Variants in FRYL observed in about 807,000 individuals in gnomAD.
FRYL encodes the protein FRY like transcription coactivator.
FRYL carries 150 observed loss-of-function variants against 351.2 expected under a neutral mutation model. The ratio of observed to expected loss-of-function variants is 0.43; its 90% CI spans 0.37 to 0.49. The LOEUF (loss-of-function observed/expected upper bound fraction) is 0.49, where lower values mean the gene tolerates loss of function less well. FRYL is among the 20% of genes least tolerant of loss of function. The pLI is 0.00. For missense variants in FRYL, 3,036 were observed against 3,619.3 expected, an observed-to-expected ratio of 0.84 and a Z score of 4.13; for synonymous variants, 1,153 against 1,257.1, an observed-to-expected ratio of 0.92 and a Z score of 1.75.
Position 48,555,183 on chromosome 4 carries a change from T to C in FRYL, c.4266+1795A>G, listed in dbSNP as rs114552482. On this transcript the variant is annotated intron_variant, in intron 35 of 63. Coordinates refer to ENST00000358350, the MANE Select transcript of FRYL (RefSeq NM_015030.2). ...AAATGGCTATTCCCCAAATTTTCAT[T>C]TGGCCTCTTAAAAGTATAATCCCAT... Among the ~76,000 whole-genome samples the C allele has an allele frequency of 4.4e-3, 665 of 152,334 alleles. 8 individuals carry two copies. Among genetic ancestry groups the C allele is most frequent in the African/African-American group, 0.014 (599 of 41,574 alleles).
At chr4:48,766,892 C>T (rs1775000639) in intron 1 of FRYL, among the ~76,000 whole-genome samples, 2 of 150,806 alleles carry the variant, frequency 1.3e-5, no homozygotes, top group Non-Finnish European at 2.9e-5. Context: ...TGTAGATTCA[C>T]GGATTTCCAT....
At chr4:48,710,994 G>A (rs550603427) in intron 1 of FRYL, among the ~76,000 whole-genome samples, 3 of 152,316 alleles carry the variant, frequency 2.0e-5, no homozygotes, top group African/African-American at 7.2e-5. Context: ...ACCCACAATG[G>A]AATATTACCT....
chr4:48,583,613 A>G (rs1420017709), intron 19 of FRYL, among the ~76,000 whole-genome samples: 1 of 152,128 alleles, frequency 6.6e-6, no homozygotes, highest in African/African-American at 2.4e-5. Context: ...TAGAAAAAAA[A>G]AAAATAAGGC....
chr4:48,502,852 A>G lies in FRYL; in HGVS notation c.8464-7T>C. The G allele has an allele frequency of 6.2e-7, 1 of 1,609,510 alleles. No homozygotes were observed. The highest frequency in any genetic ancestry group is 8.5e-7 in the Non-Finnish European group (1 of 1,176,916). ...CTGCTAGTATTTCCATTTGCTAAGC[A>G]AGAAGGTGATCAGGTCACAAAAAAT... On this transcript the variant is annotated splice_polypyrimidine_tract_variant and splice_region_variant and intron_variant, in intron 60 of 63. Transcript: ENST00000358350.
Position 48,743,258 on chromosome 4 carries a change from T to C in FRYL, c.-383-32560A>G, listed in dbSNP as rs982688030. Among the ~76,000 whole-genome samples, 7 of 152,270 alleles carry C rather than the reference T, an allele frequency of 4.6e-5. 3 individuals carry two copies. Reference sequence around the variant, plus strand: ...CACTAAATTCTTATCTAGGTGTTACTTTTCCTAGAAAACCACGTCACACCT... The same window carrying C: ...CACTAAATTCTTATCTAGGTGTTACCTTTCCTAGAAAACCACGTCACACCT... On this transcript the variant is annotated intron_variant, in intron 1 of 63. Coordinates refer to ENST00000358350, the MANE Select transcript of FRYL (RefSeq NM_015030.2).
At position 48,548,766 on chromosome 4, in the gene FRYL, A is replaced by G; in HGVS notation, c.4812T>C (p.Thr1604=). The change falls in exon 40 of 64, where the codon ACT becomes ACC. Residue 1604 remains threonine, a synonymous_variant. Coordinates refer to ENST00000358350, the MANE Select transcript of FRYL (RefSeq NM_015030.2). The part of the protein sequence containing the change: ...HRCNIAVILL[T]DLIIDHSVKV... ...TCACACTATGATCAATGATGAGATC[A>G]GTCAAAAGGATCACTGCTATGTTAC... The G allele has an allele frequency of 6.2e-7, 1 of 1,610,406 alleles. No individual in the cohort carries two copies. Among genetic ancestry groups the G allele is most frequent in the South Asian group, 1.1e-5 (1 of 90,622 alleles).
chr4:48,527,635 C>T lies in FRYL; in HGVS notation c.7159G>A (p.Glu2387Lys), dbSNP rs1726538684. 1 of 1,602,544 alleles carries T rather than the reference C, an allele frequency of 6.2e-7. No individual in the cohort carries two copies. Residue 2387 changes from glutamate (E) to lysine (K), a missense_variant, in exon 53 of 64, where the codon GAG (glutamate) becomes AAG (lysine). Physicochemically the swap from Glu to Lys is moderately conservative, Grantham distance 56. Around this residue, in one of 7 missense-constraint regions of FRYL, gnomAD observed 1,987 missense variants for 2,311.7 expected, o/e 0.86. Transcript: ENST00000358350. Reference protein sequence around the residue: ...KNPSVVFSSNEDLEVGDQQTS... With the variant: ...KNPSVVFSSNKDLEVGDQQTS... ...TGTTGGTCACCGACTTCCAAATCCT[C>T]ATTAGAAGAAAATACAACCTGATGC...
At chr4:48,746,494 G>A (rs558148272) in intron 1 of FRYL, among the ~76,000 whole-genome samples, 25 of 149,828 alleles carry the variant, frequency 1.7e-4, no homozygotes, top group African/African-American at 4.4e-4. Context: ...GCAGTGAGCC[G>A]AGATCACACC....
intron 37 of FRYL, among the ~76,000 whole-genome samples, 193 bp from the exon 38 acceptor site, chr4:48,550,897 C>A (rs991047838): frequency 2.0e-5 from 3 of 152,092 alleles, no homozygotes; most frequent in Non-Finnish European, 4.4e-5. Flanking sequence ...CATGGTGAAA[C>A]CCCGTGTCTA....
intron 23 of FRYL, among the ~76,000 whole-genome samples, chr4:48,576,773 T>C (rs1739710633): frequency 6.6e-6 from 1 of 152,236 alleles, no homozygotes; most frequent in African/African-American, 2.4e-5. Context: ...GGCCATATTT[T>C]ATAACTTACT....
intron 27 of FRYL, among the ~76,000 whole-genome samples, chr4:48,570,189 G>A (rs1226239023): frequency 2.0e-5 from 3 of 151,956 alleles, no homozygotes; most frequent in Non-Finnish European, 2.9e-5. Context: ...CTCCTTCAAC[G>A]GTCAGGTAAC....
rs1012755255 is a variant in FRYL at position 48,564,097 on chromosome 4, G to A, written c.3447C>T (p.His1149=). The A allele has an allele frequency of 3.7e-6, 6 of 1,613,250 alleles. No homozygotes were observed. In the African/African-American group the frequency reaches 8.0e-5, roughly 22 times the overall value. ...ACGTAACTGCTTCACAGCCCAGCTG[G>A]TGAACCTAGGTAAAGGTTGTGAAAT... The part of the protein sequence containing the change: ...NILDSLDKKV[H]QLGCEAVTLL... Residue 1149 remains histidine (H), a synonymous_variant, in exon 31 of 64, where the codon CAC becomes CAT. Transcript: ENST00000358350.
intron 27 of FRYL, among the ~76,000 whole-genome samples, chr4:48,568,737 T>C (rs1737444952): frequency 6.6e-6 from 1 of 152,216 alleles, no homozygotes. Flanking sequence ...CTTAAATAAG[T>C]GTTTTTCAAA....
chr4:48,603,953 T>A (rs182210841), intron 11 of FRYL, among the ~76,000 whole-genome samples: 7 of 152,206 alleles, frequency 4.6e-5, no homozygotes, highest in African/African-American at 1.4e-4. Flanking sequence ...TGCTACCAAC[T>A]CTTTCGATGT....
chr4:48,764,901 G>A (rs1309181258), intron 1 of FRYL, among the ~76,000 whole-genome samples: 1 of 152,094 alleles, frequency 6.6e-6, no homozygotes, highest in African/African-American at 2.4e-5. Context: ...GTGGAGTGCA[G>A]TGGCACCATC....
intron 7 of FRYL, among the ~76,000 whole-genome samples, chr4:48,617,270 T>C (rs1262378884): frequency 1.3e-5 from 2 of 151,760 alleles, no homozygotes; most frequent in Non-Finnish European, 2.9e-5. Context: ...TTTCAGTCCA[T>C]GTGAACCATG....
intron 25 of FRYL, 24 bp downstream of exon 25, chr4:48,575,093 G>C: frequency 6.2e-7 from 1 of 1,610,786 alleles, no homozygotes; most frequent in East Asian, 2.2e-5. Flanking sequence ...TTAGGACATA[G>C]AAAAAATGTA....
intron 25 of FRYL, 57 bp from the exon 26 acceptor site, chr4:48,573,300 G>A (rs1738781160): frequency 1.8e-6 from 2 of 1,130,922 alleles, no homozygotes; most frequent in East Asian, 4.7e-5. Context: ...ATCTGACACA[G>A]GTAAATATGT....
intron 2 of FRYL, among the ~76,000 whole-genome samples, chr4:48,695,392 T>C (rs1036222991): frequency 2.0e-5 from 3 of 152,166 alleles, no homozygotes; most frequent in Admixed American, 6.5e-5. Context: ...CATTTAAAGG[T>C]AAGTTTTCCA....
Sources: allele counts gnomAD v4.1 joint callset (sites outside exome capture counted in the v4.1 genomes callset), GRCh38; gene constraint gnomAD v4.1.1; regional missense constraint gnomAD v4.1.1; transcripts MANE v1.5; gene names NCBI Gene and HGNC (gene_info 2026-07-23, HGNC 2026-07-21).